The following NT5DC4 variants were observed in gnomAD, a reference collection of about 807,000 sequenced individuals.
NT5DC4 encodes 5'-nucleotidase domain containing 4.
NT5DC4 carries 44 observed loss-of-function variants against 26.6 expected under a neutral mutation model. The observed-to-expected ratio is 1.65, with a 90% CI of 1.30 to 2.13. The LOEUF (loss-of-function observed/expected upper bound fraction) is 2.13. NT5DC4 is among the 30% of genes most tolerant of loss of function. The probability of loss-of-function intolerance (pLI) is 0.00; values close to 1 mark genes in which losing one functional copy is unlikely to be tolerated. For synonymous variants in NT5DC4, 157 were observed against 86.7 expected (o/e 1.81, Z -4.51); for missense variants, 399 against 228.1 (o/e 1.75, Z -4.83).
intron 1 of NT5DC4, chr2:112,721,437 CATCATCTCTGAATTTG>C (rs1185178569): frequency 1.4e-6 from 1 of 716,972 alleles, no homozygotes; most frequent in Non-Finnish European, 2.6e-6. Context: ...GTGACAAACA[CATCATCTCTGAATTTG>C]GACACTGGGG....
At chr2:112,722,611 C>T (rs750839852) in intron 5 of NT5DC4, 22 bp downstream of exon 5, 32 of 717,304 alleles carry the variant, frequency 4.5e-5, no homozygotes, top group African/African-American at 1.2e-4. Flanking sequence ...GTTGGGGGCA[C>T]GGGAGGTGGT....
chr2:112,722,374 C>A (rs1677008164), intron 4 of NT5DC4, 96 bp downstream of exon 4: 1 of 711,466 alleles, frequency 1.4e-6, no homozygotes, highest in Non-Finnish European at 2.6e-6. Context: ...AGGACGCAGG[C>A]CCACGGTGGA....
At chr2:112,719,628 G>A (rs552597275), upstream of NT5DC4, among the ~76,000 whole-genome samples, 7 of 151,848 alleles carry the variant, frequency 4.6e-5, no homozygotes, top group South Asian at 1.3e-3. Context: ...TGGGATTACA[G>A]GCATGCGCAA....
intron 16 of NT5DC4, chr2:112,738,122 CCT>C (rs1679480313): frequency 6.6e-6 from 1 of 152,288 alleles, no homozygotes; most frequent in Non-Finnish European, 1.5e-5. Context: ...ACTCCCCACC[CCT>C]CTCCCCTGCC....
intron 14 of NT5DC4, 87 bp from the exon 15 acceptor site, chr2:112,726,591 C>A (rs1677750122): frequency 1.4e-6 from 1 of 713,144 alleles, no homozygotes; most frequent in Admixed American, 2.0e-5. Flanking sequence ...TGTCCCCCCA[C>A]CCGACCCCTG....
In NT5DC4 at chr2:112,722,499, G is replaced by A. The variant is rs905108661; in HGVS notation, c.379G>A (p.Ala127Thr). The change falls in exon 5 of 17, where the codon GCA becomes ACA. Residue 127 changes from alanine to threonine, a missense_variant. Transcript: ENST00000688554. Reference protein sequence around the residue: ...TFLSDLPLLRAEIWSFYPSKF... With the variant: ...TFLSDLPLLRTEIWSFYPSKF... ...TGCACCCAGCCTACCCCTCCTCAGG[G>A]CAGAGATCTGGAGCTTCTACCCCAG... 2.1e-5 allele frequency: 15 copies of A among 717,228 alleles called. No individual in the cohort carries two copies. In the Admixed American group the frequency reaches 3.0e-4, roughly 14 times the overall value. The allele number at this position is 717,228 out of a possible 1,614,324, so 44.4% of individuals were successfully genotyped here.
chr2:112,726,957 T>C (rs781122833), intron 15 of NT5DC4: 8 of 582,458 alleles, frequency 1.4e-5, no homozygotes, highest in Non-Finnish European at 2.5e-5. Context: ...GAGTTGAGCC[T>C]GATTTGCAGG....
intron 16 of NT5DC4, among the ~76,000 whole-genome samples, chr2:112,734,690 T>C (rs1199643405): frequency 6.6e-6 from 1 of 152,058 alleles, no homozygotes; most frequent in Non-Finnish European, 1.5e-5. Flanking sequence ...AGTAGGGAAA[T>C]TGGGGTGCTT....
intron 16 of NT5DC4, 184 bp from the exon 17 acceptor site, chr2:112,738,729 T>C (rs571447059): frequency 5.6e-5 from 45 of 799,244 alleles, no homozygotes; most frequent in South Asian, 4.8e-4. Context: ...TCTGCATCCA[T>C]GATGCCTCTC....
chr2:112,722,855 G>GCCCCCCAAGGT (rs1391911699), intron 6 of NT5DC4, 84 bp downstream of exon 6: 10 of 450,146 alleles, frequency 2.2e-5, no homozygotes, highest in Non-Finnish European at 4.4e-5. Flanking sequence ...CCCCCCAAGG[G>GCCCCCCAAGGT]CTCCCCAAGA....
chr2:112,732,211 T>A (rs75051844), intron 16 of NT5DC4, among the ~76,000 whole-genome samples: 1 of 37,262 alleles, frequency 2.7e-5, no homozygotes, highest in Admixed American at 2.3e-4. Context: ...GAGCCTGGCA[T>A]TTTTTTTTTT....
intron 1 of NT5DC4, chr2:112,721,573 C>T (rs774973603): frequency 3.6e-5 from 26 of 717,578 alleles, no homozygotes; most frequent in South Asian, 2.8e-4. Context: ...GCTGATTGCC[C>T]GCACACACTC....
At chr2:112,726,368 G>T (rs775234442) in intron 14 of NT5DC4, 79 bp downstream of exon 14, 1 of 711,896 alleles carries the variant, frequency 1.4e-6, no homozygotes, top group Admixed American at 2.0e-5. Context: ...CCTGCCTGGC[G>T]GCGAGGTCCC....
chr2:112,719,944 T>TTC (rs1319854604), upstream of NT5DC4, among the ~76,000 whole-genome samples: 8 of 109,138 alleles, frequency 7.3e-5, no homozygotes, highest in African/African-American at 2.7e-4. Flanking sequence ...CTTTCTTTCT[T>TTC]TCTTTCTTTC....
intron 6 of NT5DC4, 31 bp downstream of exon 6, chr2:112,722,802 C>T (rs551470039): frequency 8.6e-5 from 62 of 717,406 alleles, no homozygotes; most frequent in African/African-American, 2.4e-4. Context: ...AGCCCTGGGA[C>T]GACCAGTAGG....
chr2:112,721,811 T>C lies in NT5DC4; in HGVS notation c.75-7T>C, dbSNP rs1380176140. On this transcript the variant is annotated splice_polypyrimidine_tract_variant and splice_region_variant and intron_variant, in intron 1 of 16. Transcript: ENST00000688554. Reference sequence around the variant, plus strand: ...ACTGATGCCAACATCCTCCTCTCTCTCCCCAGGATTTTTGTCAACCGCAGC... The same window carrying C: ...ACTGATGCCAACATCCTCCTCTCTCCCCCCAGGATTTTTGTCAACCGCAGC... 1.4e-6 allele frequency: 1 copy of C among 717,242 alleles called. No homozygotes were observed. Among genetic ancestry groups the C allele is most frequent in the Non-Finnish European group, 2.6e-6 (1 of 385,082 alleles). 44.4% of individuals were successfully genotyped at this position (717,242 alleles called of 1,614,324 possible).
At chr2:112,736,613 A>C (rs1679210629) in intron 16 of NT5DC4, 1 of 152,070 alleles carries the variant, frequency 6.6e-6, no homozygotes, top group South Asian at 2.1e-4. Context: ...CTCTTCCCCA[A>C]TCTGTGGTAA....
At chr2:112,725,966 G>A (rs1032116651) in intron 13 of NT5DC4, among the ~76,000 whole-genome samples, 1 of 151,004 alleles carries the variant, frequency 6.6e-6, no homozygotes, top group Non-Finnish European at 1.5e-5. Context: ...TTTGGGCTTT[G>A]TCCTGAGAGC....
At position 112,722,170 on chromosome 2, in the gene NT5DC4, C is replaced by T. The variant is rs1257044209; in HGVS notation, c.267-13C>T. ...ACCCCCACCCACAGTGCCCCCCGAC[C>T]CCCCGTCTGCAGGCGGCTGGTGTTC... On this transcript the variant is annotated splice_polypyrimidine_tract_variant and intron_variant, in intron 3 of 16. Transcript: ENST00000688554. The T allele has an allele frequency of 1.6e-5, 9 of 564,974 alleles. No individual in the cohort carries two copies. The African/African-American group carries it at 3.6e-4, about 22-fold the overall frequency. The allele number at this position is 564,974 out of a possible 1,614,324, so 35.0% of individuals were successfully genotyped here. A position where few individuals can be genotyped will look rare whatever the true frequency, so the allele number is the denominator to read the frequency against.
Sources: gnomAD v4.1 joint callset for allele counts (sites outside exome capture counted in the v4.1 genomes callset) on GRCh38, gnomAD v4.1.1 for gene constraint, MANE v1.5 for transcripts, NCBI Gene and HGNC (gene_info 2026-07-23, HGNC 2026-07-21) for gene names.